CNTN4: variants seen among roughly 807,000 people sequenced by gnomAD.
CNTN4 encodes contactin 4.
A neutral mutation model predicts 122.5 loss-of-function variants in CNTN4; 77 were observed. The observed-to-expected ratio is 0.63, with a 90% CI of 0.52 to 0.76. The LOEUF (loss-of-function observed/expected upper bound fraction) is 0.76. CNTN4 is among the 30% of genes least tolerant of loss of function. CNTN4 has a pLI of 0.00. For synonymous variants in CNTN4, 512 were observed against 447.0 expected, an observed-to-expected ratio of 1.15 and a Z score of -1.83; for missense variants, 1,256 against 1,259.1, an observed-to-expected ratio of 1.00 and a Z score of 0.04.
At chr3:2,949,410 C>G (rs1222226929) in intron 13 of CNTN4, among the ~76,000 whole-genome samples, 1 of 152,168 alleles carries the variant, frequency 6.6e-6, no homozygotes, top group Non-Finnish European at 1.5e-5. Flanking sequence ...ACTTCTTTGT[C>G]TGAAAGAAGC....
intron 6 of CNTN4, among the ~76,000 whole-genome samples, chr3:2,754,090 G>A (rs1489623289): frequency 6.6e-6 from 1 of 152,152 alleles, no homozygotes; most frequent in Non-Finnish European, 1.5e-5. Flanking sequence ...ATTTGTATAA[G>A]CTTCTTACTC....
chr3:2,823,431 C>G (rs2092919834), intron 7 of CNTN4, among the ~76,000 whole-genome samples: 1 of 152,192 alleles, frequency 6.6e-6, no homozygotes, highest in African/African-American at 2.4e-5. Context: ...CAGGTATTTC[C>G]AGCACTCTAC....
intron 14 of CNTN4, among the ~76,000 whole-genome samples, chr3:2,991,661 T>A (rs1261368210): frequency 6.6e-6 from 1 of 152,070 alleles, no homozygotes; most frequent in Admixed American, 6.6e-5. Context: ...TAACATAAAC[T>A]GAGAAATATA....
intron 5 of CNTN4, among the ~76,000 whole-genome samples, chr3:2,739,257 A>T (rs1174690277): frequency 6.6e-6 from 1 of 152,142 alleles, no homozygotes; most frequent in Non-Finnish European, 1.5e-5. Flanking sequence ...GATGAAGAGC[A>T]AACAGAACCC....
chr3:2,116,523 T>C (rs545694032), intron 2 of CNTN4, among the ~76,000 whole-genome samples: 1 of 152,284 alleles, frequency 6.6e-6, no homozygotes, highest in South Asian at 2.1e-4. Flanking sequence ...TGTAGTTGAA[T>C]AGGCTCCCCA....
At chr3:2,384,609 A>G (rs1362852389) in intron 3 of CNTN4, among the ~76,000 whole-genome samples, 1 of 152,196 alleles carries the variant, frequency 6.6e-6, no homozygotes, top group East Asian at 1.9e-4. Flanking sequence ...CTAAATCAGG[A>G]CTTAAAATTA....
At chr3:2,857,588 G>GT (rs568706101) in intron 7 of CNTN4, among the ~76,000 whole-genome samples, 137 of 151,980 alleles carry the variant, frequency 9.0e-4, no homozygotes, top group African/African-American at 3.1e-3. Context: ...TTTTTGTTTT[G>GT]TTTTTTTGAG....
rs11394928 is a variant in CNTN4 at position 2,838,560 on chromosome 3, TAAA to T, written c.454+18999_454+19001del. On this transcript the variant is annotated intron_variant, in intron 7 of 24. Coordinates refer to ENST00000418658, the MANE Select transcript of CNTN4 (RefSeq NM_175607.3). ...TTTGCCATTCAGACCCTATGGTTTGTAAAAAAAAAAAAAAAAAAAAAATTAAGC... is the reference window on the plus strand; with the variant it reads ...TTTGCCATTCAGACCCTATGGTTTGTAAAAAAAAAAAAAAAAAAATTAAGC... 2.5e-3 allele frequency among the ~76,000 whole-genome samples: 320 copies of T among 127,918 alleles called. 6 individuals carry two copies. The highest frequency in any genetic ancestry group is 8.0e-3 in the African/African-American group (281 of 35,030). 83.9% of individuals were successfully genotyped at this position (127,918 alleles called of 152,430 possible).
chr3:2,432,814 C>CTTTT (rs5846183), intron 3 of CNTN4, among the ~76,000 whole-genome samples: 5 of 141,624 alleles, frequency 3.5e-5, no homozygotes, highest in East Asian at 2.1e-4. Context: ...ACACTAACTG[C>CTTTT]TTTTTTTTTT....
At chr3:2,108,567 T>C (rs1426268582) in intron 2 of CNTN4, among the ~76,000 whole-genome samples, 1 of 152,196 alleles carries the variant, frequency 6.6e-6, no homozygotes, top group African/African-American at 2.4e-5. Context: ...AGACAGTGGA[T>C]AACAGCTTGA....
chr3:2,586,124 A>G (rs1576108469), intron 4 of CNTN4, among the ~76,000 whole-genome samples: 1 of 152,158 alleles, frequency 6.6e-6, no homozygotes, highest in Non-Finnish European at 1.5e-5. Flanking sequence ...TGGGGCAACT[A>G]AATTGGGTCA....
chr3:2,805,615 G>A (rs934150687), intron 6 of CNTN4, among the ~76,000 whole-genome samples: 1 of 152,190 alleles, frequency 6.6e-6, no homozygotes, highest in Non-Finnish European at 1.5e-5. Flanking sequence ...TTGTGGTGAG[G>A]TGAGGCTGTA....
At chr3:2,374,587 A>G (rs1427764463) in intron 3 of CNTN4, among the ~76,000 whole-genome samples, 1 of 152,176 alleles carries the variant, frequency 6.6e-6, no homozygotes, top group Non-Finnish European at 1.5e-5. Flanking sequence ...TGAAGTAGGG[A>G]CATCATGCAT....
intron 2 of CNTN4, among the ~76,000 whole-genome samples, chr3:2,288,487 CA>C (rs2042020071): frequency 6.6e-6 from 1 of 152,100 alleles, no homozygotes; most frequent in Non-Finnish European, 1.5e-5. Flanking sequence ...CTCCCTGACC[CA>C]AATACTTCCC....
intron 4 of CNTN4, among the ~76,000 whole-genome samples, chr3:2,613,557 T>G (rs778801247): frequency 1.1e-4 from 16 of 152,196 alleles, no homozygotes; most frequent in Non-Finnish European, 1.9e-4. Flanking sequence ...TATTACTTTA[T>G]AAGATGGTAT....
chr3:2,275,933 A>G lies in CNTN4; in HGVS notation c.-144-63245A>G, dbSNP rs558070959. On this transcript the variant is annotated intron_variant, in intron 2 of 24. Transcript: ENST00000418658. ...AGACTCTGTCTCAAAAAAAAAAAAAAAAAACAAAAAAAAATATTAAATCTT... is the reference window on the plus strand; with the variant it reads ...AGACTCTGTCTCAAAAAAAAAAAAAGAAAACAAAAAAAAATATTAAATCTT... Among the ~76,000 whole-genome samples, 793 of 100,704 alleles carry G rather than the reference A, an allele frequency of 7.9e-3. 26 individuals are homozygous for G. Among genetic ancestry groups the G allele is most frequent in the Admixed American group, 0.077 (723 of 9,418 alleles). The allele number at this position is 100,704 out of a possible 152,430, so 66.1% of individuals were successfully genotyped here. A position where few individuals can be genotyped will look rare whatever the true frequency, so the allele number is the denominator to read the frequency against.
At chr3:2,144,185 A>G (rs1043903545) in intron 2 of CNTN4, 1 of 152,226 alleles carries the variant, frequency 6.6e-6, no homozygotes, top group African/African-American at 2.4e-5. Context: ...AGCAATTGCC[A>G]TGAAGTTCAC....
chr3:2,682,837 C>A (rs2085234035), intron 4 of CNTN4, among the ~76,000 whole-genome samples: 1 of 152,104 alleles, frequency 6.6e-6, no homozygotes, highest in South Asian at 2.1e-4. Context: ...AACAAAAGTG[C>A]CCAATCTTCC....
intron 4 of CNTN4, among the ~76,000 whole-genome samples, chr3:2,616,936 A>C (rs1276805654): frequency 6.6e-6 from 1 of 152,242 alleles, no homozygotes; most frequent in African/African-American, 2.4e-5. Flanking sequence ...CTGGCTAGCC[A>C]TACGCAGAAA....
Sources: gnomAD v4.1 joint callset for allele counts (sites outside exome capture counted in the v4.1 genomes callset) on GRCh38, gnomAD v4.1.1 for gene constraint, MANE v1.5 for transcripts, NCBI Gene and HGNC (gene_info 2026-07-23, HGNC 2026-07-21) for gene names.